The following COG5 variants were observed in gnomAD, a reference collection of about 807,000 sequenced individuals.
COG5 encodes the protein component of oligomeric golgi complex 5, also known as conserved oligomeric Golgi complex subunit 5.
A neutral mutation model predicts 110.4 loss-of-function variants in COG5; 86 were observed. The observed-to-expected ratio is 0.78, with a 90% CI of 0.65 to 0.93. The LOEUF is 0.93. Among genes scored for constraint, COG5 ranks in the 40% least tolerant of loss-of-function variants. The probability of loss-of-function intolerance (pLI) is 0.00; values close to 1 mark genes in which losing one functional copy is unlikely to be tolerated. For synonymous variants in COG5, 360 were observed against 334.6 expected (o/e 1.08, Z -0.83); for missense variants, 1,077 against 987.0 (o/e 1.09, Z -1.22).
chr7:107,353,296 G>T (rs1489784704), intron 10 of COG5, among the ~76,000 whole-genome samples: 1 of 151,712 alleles, frequency 6.6e-6, no homozygotes, highest in East Asian at 1.9e-4. Flanking sequence ...GAGGTGGCGG[G>T]CACCTGTAGT....
At chr7:107,290,717 A>C (rs1167821705) in intron 12 of COG5, among the ~76,000 whole-genome samples, 2 of 152,168 alleles carry the variant, frequency 1.3e-5, no homozygotes, top group Non-Finnish European at 2.9e-5. Context: ...TCCTTTGAGC[A>C]ATCTGAGCCC....
chr7:107,348,181 T>A (rs1190494537), intron 10 of COG5, among the ~76,000 whole-genome samples: 2 of 151,814 alleles, frequency 1.3e-5, no homozygotes, highest in African/African-American at 2.4e-5. Context: ...TACATCTATT[T>A]TGATAGTTAT....
At chr7:107,279,311 T>C (rs573702384) in intron 14 of COG5, among the ~76,000 whole-genome samples, 201 of 152,268 alleles carry the variant, frequency 1.3e-3, no homozygotes, top group Non-Finnish European at 2.2e-3. Context: ...TTTCTTAATC[T>C]TGTGGACTGG....
At chr7:107,263,056 A>G (rs1315566518) in intron 14 of COG5, among the ~76,000 whole-genome samples, 2 of 152,192 alleles carry the variant, frequency 1.3e-5, no homozygotes, top group Non-Finnish European at 2.9e-5. Flanking sequence ...GGCCAAAGGA[A>G]CAGATTAGCA....
chr7:107,491,259 C>T (rs2129128246), intron 6 of COG5, among the ~76,000 whole-genome samples: 1 of 152,202 alleles, frequency 6.6e-6, no homozygotes, highest in South Asian at 2.1e-4. Context: ...GCAGAGATTA[C>T]TTTGCTTCTT....
intron 13 of COG5, among the ~76,000 whole-genome samples, chr7:107,281,928 A>T (rs1805201941): frequency 6.6e-6 from 1 of 152,124 alleles, no homozygotes; most frequent in Non-Finnish European, 1.5e-5. Context: ...ACAAATTTTT[A>T]AAATTCGGAT....
intron 14 of COG5, among the ~76,000 whole-genome samples, chr7:107,269,625 TCTTA>T (rs1192556611): frequency 6.6e-6 from 1 of 152,238 alleles, no homozygotes; most frequent in Non-Finnish European, 1.5e-5. Flanking sequence ...TTTAGTTCCA[TCTTA>T]CTTCTATGTT....
rs1254113420 is a variant in COG5, at chr7:107,236,542, G to A, written c.1999C>T (p.Gln667Ter). 1 of 1,614,028 alleles carries A rather than the reference G, an allele frequency of 6.2e-7. No individual in the cohort carries two copies. The highest frequency in any genetic ancestry group is 8.5e-7 in the Non-Finnish European group (1 of 1,179,984). Residue 667 changes from glutamine (Q) to a stop codon, truncating the protein, a stop_gained, in exon 18 of 22, where the codon CAA becomes TAA. Transcript: ENST00000297135. LOFTEE classifies it high-confidence loss of function. ...FVFDNTEAIA[Q>*]RAVELFIRHA... is the part of the protein sequence containing the mutation. ...CGGATAAAAAGTTCAACAGCTCTTT[G>A]GGCAATAGCCTCAGTGTTGTCAAAG... is the stretch of plus-strand genomic sequence containing the variant.
chr7:107,427,771 T>TAC (rs1793748609), intron 6 of COG5, among the ~76,000 whole-genome samples: 1 of 151,782 alleles, frequency 6.6e-6, no homozygotes, highest in Admixed American at 6.6e-5. Context: ...TTACAGCTCA[T>TAC]ACACACATTC....
At chr7:107,232,422 T>G (rs1800842710) in intron 18 of COG5, among the ~76,000 whole-genome samples, 1 of 152,250 alleles carries the variant, frequency 6.6e-6, no homozygotes, top group South Asian at 2.1e-4. Flanking sequence ...TAATGGTTTT[T>G]TACATACTGA....
At chr7:107,428,838 C>T (rs1002385389) in intron 6 of COG5, among the ~76,000 whole-genome samples, 4 of 152,218 alleles carry the variant, frequency 2.6e-5, no homozygotes, top group Admixed American at 1.3e-4. Context: ...ACAACACTCA[C>T]TGGCGTATTA....
At chr7:107,219,978 A>G (rs1169793887) in intron 19 of COG5, among the ~76,000 whole-genome samples, 1 of 152,196 alleles carries the variant, frequency 6.6e-6, no homozygotes, top group African/African-American at 2.4e-5. Context: ...TCTTCTAAAA[A>G]TCCTATGAGT....
intron 7 of COG5, among the ~76,000 whole-genome samples, chr7:107,399,790 C>T (rs1408695244): frequency 1.3e-5 from 2 of 152,096 alleles, no homozygotes; most frequent in African/African-American, 4.8e-5. Context: ...TGAACAAAAA[C>T]CTTCACTATT....
At chr7:107,248,780 T>C (rs1411598930) in intron 16 of COG5, among the ~76,000 whole-genome samples, 1 of 152,174 alleles carries the variant, frequency 6.6e-6, no homozygotes, top group Non-Finnish European at 1.5e-5. Flanking sequence ...AGGGAAGGCA[T>C]ACGCAAGAAG....
At chr7:107,315,370 A>G (rs1215116127) in intron 11 of COG5, among the ~76,000 whole-genome samples, 1 of 152,156 alleles carries the variant, frequency 6.6e-6, no homozygotes, top group Non-Finnish European at 1.5e-5. Flanking sequence ...GAAGCCAAGT[A>G]TTACAGATAT....
At chr7:107,421,557 G>A (rs569861499) in intron 6 of COG5, among the ~76,000 whole-genome samples, 133 of 152,258 alleles carry the variant, frequency 8.7e-4, no homozygotes, top group Middle Eastern at 3.4e-3. Context: ...TTGGGAGGCC[G>A]AGGCAGGCTG....
intron 19 of COG5, among the ~76,000 whole-genome samples, chr7:107,213,338 A>G (rs1170757097): frequency 2.0e-5 from 3 of 152,136 alleles, no homozygotes; most frequent in Non-Finnish European, 4.4e-5. Context: ...CCAAACCCTG[A>G]AATCCAAACA....
intron 1 of COG5, chr7:107,563,556 G>T: frequency 6.1e-6 from 3 of 495,744 alleles, no homozygotes; most frequent in Non-Finnish European, 1.1e-5. Context: ...GGGGGGGGGG[G>T]GGTCGAGTTG....
At chr7:107,459,769 C>T (rs1181822128) in intron 6 of COG5, among the ~76,000 whole-genome samples, 1 of 148,498 alleles carries the variant, frequency 6.7e-6, no homozygotes, top group Admixed American at 6.8e-5. Context: ...GTACTCCTGC[C>T]TGGGTGATGC....
Sources: allele counts gnomAD v4.1 joint callset (sites outside exome capture counted in the v4.1 genomes callset), GRCh38; gene constraint gnomAD v4.1.1; transcripts MANE v1.5; gene names NCBI Gene and HGNC (gene_info 2026-07-23, HGNC 2026-07-21).